TRIM42: variants seen among roughly 807,000 people sequenced by gnomAD.
TRIM42 encodes tripartite motif-containing protein 42.
In TRIM42, 59 loss-of-function variants were observed where a neutral mutation model predicts 64.9. That is an observed-to-expected ratio of 0.91 (90% CI 0.74 to 1.13). The LOEUF is 1.13. Ranked by LOEUF, TRIM42 falls within the 50% of genes most tolerant of loss-of-function variation. The pLI, the probability that TRIM42 is intolerant of heterozygous loss-of-function variation, is 0.00. For synonymous variants in TRIM42, 354 were observed against 346.3 expected (o/e 1.02, Z -0.25); for missense variants, 878 against 929.5 (o/e 0.94, Z 0.72).
intron 1 of TRIM42, among the ~76,000 whole-genome samples, chr3:140,679,638 G>A (rs1439266066): frequency 6.6e-6 from 1 of 152,114 alleles, no homozygotes; most frequent in African/African-American, 2.4e-5. Flanking sequence ...GCATAAATAG[G>A]AAATCCAGGG....
At chr3:140,695,172 T>A (rs567419643) in intron 4 of TRIM42, among the ~76,000 whole-genome samples, 1 of 152,178 alleles carries the variant, frequency 6.6e-6, no homozygotes, top group South Asian at 2.1e-4. Flanking sequence ...CGCTTAAGTC[T>A]GGGAGGCAGA....
rs1988441501 is a variant in TRIM42 at position 140,682,800 on chromosome 3, G to A, written c.680G>A (p.Trp227Ter). Residue 227 changes from tryptophan (W) to a stop codon, truncating the protein, a stop_gained, in exon 2 of 5, where the codon TGG (tryptophan) becomes TAG (stop). Coordinates refer to ENST00000286349, the MANE Select transcript of TRIM42 (RefSeq NM_152616.5). LOFTEE classifies it high-confidence loss of function. ...RYMQEHGYLK[W>*]RFDRSSGPIL... Reference sequence around the variant, plus strand: ...ATGCAGGAGCACGGCTACCTCAAGTGGCGCTTTGACCGCTCCTCCGGGCCC... The same window carrying A: ...ATGCAGGAGCACGGCTACCTCAAGTAGCGCTTTGACCGCTCCTCCGGGCCC... 6.2e-7 allele frequency: 1 copy of A among 1,613,766 alleles called. No homozygotes were observed. The highest frequency in any genetic ancestry group is 1.1e-5 in the South Asian group (1 of 91,082).
chr3:140,696,015 T>G (rs1413858498), intron 4 of TRIM42, among the ~76,000 whole-genome samples: 3 of 152,190 alleles, frequency 2.0e-5, no homozygotes, highest in African/African-American at 7.2e-5. Context: ...TAGATAGGCT[T>G]GAATCCTGGA....
At chr3:140,681,455 A>G (rs891962042) in intron 1 of TRIM42, among the ~76,000 whole-genome samples, 4 of 152,192 alleles carry the variant, frequency 2.6e-5, no homozygotes, top group African/African-American at 9.7e-5. Flanking sequence ...AGAGAGGTTT[A>G]AAAAAACATC....
At chr3:140,691,761 CAA>C (rs1200110260) in intron 4 of TRIM42, among the ~76,000 whole-genome samples, 1 of 152,130 alleles carries the variant, frequency 6.6e-6, no homozygotes, top group Non-Finnish European at 1.5e-5. Flanking sequence ...AAAGAAAGGA[CAA>C]AGTTATTCCT....
chr3:140,683,004 C>T lies in TRIM42; in HGVS notation c.884C>T (p.Ser295Phe). 2 of 1,614,238 alleles carry T rather than the reference C, an allele frequency of 1.2e-6. No homozygotes were observed. Among genetic ancestry groups the T allele is most frequent in the Non-Finnish European group, 1.7e-6 (2 of 1,180,042 alleles). The change falls in exon 2 of 5, where the codon TCC becomes TTC. Residue 295 changes from serine (S) to phenylalanine (F), a missense_variant. By Grantham distance (155) the Ser-to-Phe change is radical (BLOSUM62 -2). Transcript: ENST00000286349. Reference protein sequence around the residue: ...QDEKICIHHPSSRIIEYCRND... With the variant: ...QDEKICIHHPFSRIIEYCRND... ...GAGAAGATCTGCATCCACCACCCAT[C>T]CAGCCGCATCATCGAGTACTGCCGC...
At position 140,682,549 on chromosome 3, in the gene TRIM42, C is replaced by T; in HGVS notation, c.429C>T (p.His143=). ...SIPANSHLVN[H]LNCPMCSRLR... Reference sequence around the variant, plus strand: ...CAGCCAACAGTCACCTGGTGAACCACCTCAATTGCCCCATGTGCAGCCGGC... The same window carrying T: ...CAGCCAACAGTCACCTGGTGAACCATCTCAATTGCCCCATGTGCAGCCGGC... The change falls in exon 2 of 5, where the codon CAC becomes CAT. Residue 143 remains histidine (H), a synonymous_variant. Coordinates refer to ENST00000286349, the MANE Select transcript of TRIM42 (RefSeq NM_152616.5). 1 of 1,614,254 alleles carries T rather than the reference C, an allele frequency of 6.2e-7. No homozygotes were observed.
In TRIM42 at chr3:140,683,104, C is replaced by G; in HGVS notation, c.984C>G (p.Asp328Glu). The G allele has an allele frequency of 6.2e-7, 1 of 1,614,218 alleles. No individual in the cohort carries two copies. Among genetic ancestry groups the G allele is most frequent in the Non-Finnish European group, 8.5e-7 (1 of 1,180,034 alleles). Residue 328 changes from aspartate (D) to glutamate (E), a missense_variant, in exon 2 of 5, where the codon GAC becomes GAG. Asp to Glu is a conservative substitution (Grantham distance 45, BLOSUM62 2). Coordinates refer to ENST00000286349, the MANE Select transcript of TRIM42 (RefSeq NM_152616.5). ...HNGHDTISLI[D>E]ACSERAASLF... ...GCCACGACACCATTAGCCTCATCGA[C>G]GCCTGCTCCGAGAGGGCCGCCTCAC...
chr3:140,679,028 A>G (rs1988287436), intron 1 of TRIM42, among the ~76,000 whole-genome samples: 1 of 150,028 alleles, frequency 6.7e-6, no homozygotes, highest in South Asian at 2.1e-4. Flanking sequence ...TAACTTTAAA[A>G]TGCTGTATTG....
intron 1 of TRIM42, among the ~76,000 whole-genome samples, chr3:140,681,797 A>T (rs1490526219): frequency 6.6e-6 from 1 of 151,964 alleles, no homozygotes; most frequent in Non-Finnish European, 1.5e-5. Flanking sequence ...AGGACACGGG[A>T]GTAAATCTAT....
At chr3:140,694,026 T>C (rs888841020) in intron 4 of TRIM42, among the ~76,000 whole-genome samples, 3 of 152,162 alleles carry the variant, frequency 2.0e-5, no homozygotes, top group Admixed American at 6.5e-5. Context: ...TGAGGCCTCA[T>C]AGAAGGATGA....
chr3:140,679,637 G>T (rs1198852727), intron 1 of TRIM42, among the ~76,000 whole-genome samples: 1 of 152,106 alleles, frequency 6.6e-6, no homozygotes, highest in Non-Finnish European at 1.5e-5. Flanking sequence ...TGCATAAATA[G>T]GAAATCCAGG....
chr3:140,689,179 A>G (rs1988642901), intron 3 of TRIM42, among the ~76,000 whole-genome samples: 1 of 152,244 alleles, frequency 6.6e-6, no homozygotes, highest in African/African-American at 2.4e-5. Flanking sequence ...AACATGGACA[A>G]CATGAACAAA....
In TRIM42 at chr3:140,678,526, C is replaced by T. The variant is rs1338389551; in HGVS notation, c.297C>T (p.Thr99=). 1.9e-6 allele frequency: 3 copies of T among 1,613,934 alleles called. No individual in the cohort carries two copies. Among genetic ancestry groups the T allele is most frequent in the African/African-American group, 2.7e-5 (2 of 74,892 alleles). The part of the protein sequence containing the change: ...YYYESRCCRN[T]IITFHKGRLR... ...ATGAGAGCCGCTGCTGCCGCAATAC[C>T]ATCATCACTTTCCACAAGGGCCGCC... The change falls in exon 1 of 5, where the codon ACC becomes ACT. Residue 99 remains threonine (T), a synonymous_variant. Coordinates refer to ENST00000286349, the MANE Select transcript of TRIM42 (RefSeq NM_152616.5).
Position 140,688,222 on chromosome 3 carries a change from A to G in TRIM42, c.1540A>G (p.Thr514Ala), listed in dbSNP as rs1164407801. ...LPSPYPVHSE[T>A]MIARKVTFST... ...CTCCCCCTACCCCGTGCACTCAGAA[A>G]CAATGATTGCCAGGAAGGTCACTTT... is the stretch of plus-strand genomic sequence containing the variant. Residue 514 changes from threonine to alanine, a missense_variant, in exon 3 of 5, where the codon ACA becomes GCA. Transcript: ENST00000286349. The G allele has an allele frequency of 6.2e-7, 1 of 1,614,058 alleles. No individual in the cohort carries two copies.
intron 2 of TRIM42, among the ~76,000 whole-genome samples, chr3:140,686,638 A>T (rs977056552): frequency 2.0e-5 from 3 of 152,182 alleles, no homozygotes; most frequent in Admixed American, 6.5e-5. Flanking sequence ...ACCCAGGATA[A>T]TGTTATGAAC....
In TRIM42 at chr3:140,701,056, A is replaced by C; in HGVS notation, c.*82A>C. The stretch of plus-strand genomic sequence containing the variant: ...ACATATATGTATGTATATTTTTCTC[A>C]CCACATTCTTCAAGGAGGTTGTAGA... On this transcript the variant is annotated 3_prime_UTR_variant, in exon 5 of 5. Coordinates refer to ENST00000286349, the MANE Select transcript of TRIM42 (RefSeq NM_152616.5). 3.3e-6 allele frequency: 4 copies of C among 1,230,224 alleles called. No homozygotes were observed. The highest frequency in any genetic ancestry group is 4.5e-6 in the Non-Finnish European group (4 of 882,054). 76.2% of individuals were successfully genotyped at this position (1,230,224 alleles called of 1,614,324 possible).
Position 140,678,497 on chromosome 3 carries a change from T to A in TRIM42, c.268T>A (p.Tyr90Asn). ...CTASSNLNCY[Y>N]YESRCCRNTI... is the part of the protein sequence containing the mutation. ...AGCCAGCAGCAATCTCAACTGCTACTACTATGAGAGCCGCTGCTGCCGCAA... is the reference window on the plus strand; with the variant it reads ...AGCCAGCAGCAATCTCAACTGCTACAACTATGAGAGCCGCTGCTGCCGCAA... Residue 90 changes from tyrosine (Y) to asparagine (N), a missense_variant, in exon 1 of 5, where the codon TAC becomes AAC. Coordinates refer to ENST00000286349, the MANE Select transcript of TRIM42 (RefSeq NM_152616.5). The A allele has an allele frequency of 6.2e-7, 1 of 1,614,172 alleles. No homozygotes were observed. The highest frequency in any genetic ancestry group is 8.5e-7 in the Non-Finnish European group (1 of 1,180,040).
chr3:140,694,144 T>C (rs1045424063), intron 4 of TRIM42, among the ~76,000 whole-genome samples: 9 of 152,286 alleles, frequency 5.9e-5, no homozygotes, highest in African/African-American at 2.2e-4. Context: ...CCTGGGGACA[T>C]AGTACTTTAC....
Sources: gnomAD v4.1 joint callset for allele counts (sites outside exome capture counted in the v4.1 genomes callset) on GRCh38, gnomAD v4.1.1 for gene constraint, MANE v1.5 for transcripts, NCBI Gene and HGNC (gene_info 2026-07-23, HGNC 2026-07-21) for gene names.